Variants in SMAD1 observed in about 807,000 individuals in gnomAD.
The protein encoded by SMAD1 is SMAD family member 1, also known as MAD, mothers against decapentaplegic homolog 1.
Under a neutral mutation model 41.6 loss-of-function variants are expected in SMAD1, and 6 were observed. That is an observed-to-expected ratio of 0.14 (90% CI 0.08 to 0.28). The LOEUF is 0.28. Ranked by LOEUF, SMAD1 falls within the 10% of genes least tolerant of loss-of-function variation. The probability of loss-of-function intolerance (pLI) is 1.00; values close to 1 mark genes in which losing one functional copy is unlikely to be tolerated. For missense variants in SMAD1, 379 were observed against 582.6 expected, an observed-to-expected ratio of 0.65 and a Z score of 3.60; for synonymous variants, 206 against 203.2, an observed-to-expected ratio of 1.01 and a Z score of -0.12.
intron 1 of SMAD1, among the ~76,000 whole-genome samples, chr4:145,491,096 T>C (rs1351739571): frequency 6.6e-6 from 1 of 152,166 alleles, no homozygotes; most frequent in African/African-American, 2.4e-5. Context: ...GGAAACTTTT[T>C]ATAGATTTGA....
intron 5 of SMAD1, among the ~76,000 whole-genome samples, chr4:145,549,993 C>G (rs1178907634): frequency 1.3e-5 from 2 of 151,888 alleles, no homozygotes; most frequent in African/African-American, 4.8e-5. Context: ...CCCAAAGTAG[C>G]AAAGAAAAAT....
At chr4:145,515,156 G>GTC in intron 2 of SMAD1, 143 bp downstream of exon 2, 1 of 705,926 alleles carries the variant, frequency 1.4e-6, no homozygotes, top group Non-Finnish European at 2.3e-6. Context: ...GTGTGTGTGT[G>GTC]TGTGTGTGTG....
At chr4:145,504,375 C>T (rs1484115202) in intron 1 of SMAD1, among the ~76,000 whole-genome samples, 1 of 152,188 alleles carries the variant, frequency 6.6e-6, no homozygotes, top group Non-Finnish European at 1.5e-5. Context: ...ATTGTAATGG[C>T]ATTGGACTTG....
intron 1 of SMAD1, among the ~76,000 whole-genome samples, chr4:145,487,866 C>T (rs1158587565): frequency 6.8e-6 from 1 of 146,150 alleles, no homozygotes; most frequent in Non-Finnish European, 1.5e-5. Flanking sequence ...AGGAAACTAT[C>T]TTTCAGAAAA....
chr4:145,515,164 G>GTT, intron 2 of SMAD1, 151 bp downstream of exon 2: 2 of 724,916 alleles, frequency 2.8e-6, no homozygotes, highest in African/African-American at 3.6e-5. Flanking sequence ...GTGTGTGTGT[G>GTT]TGTGTGTGTG....
At chr4:145,523,940 C>A (rs1730893295) in intron 2 of SMAD1, among the ~76,000 whole-genome samples, 1 of 152,110 alleles carries the variant, frequency 6.6e-6, no homozygotes. Flanking sequence ...GGCCCTGTTG[C>A]TCAGGCTGGA....
At chr4:145,548,906 C>T (rs1732401484) in intron 5 of SMAD1, among the ~76,000 whole-genome samples, 1 of 152,098 alleles carries the variant, frequency 6.6e-6, no homozygotes, top group South Asian at 2.1e-4. Flanking sequence ...ATTATCATCA[C>T]CAATGAGAGA....
At chr4:145,497,547 T>G (rs112787622) in intron 1 of SMAD1, 143 of 152,342 alleles carry the variant, frequency 9.4e-4, no homozygotes, top group African/African-American at 3.3e-3. Flanking sequence ...TTCAGTTAAA[T>G]ACTGGATTAA....
At chr4:145,530,777 A>G (rs1340764256) in intron 2 of SMAD1, among the ~76,000 whole-genome samples, 2 of 152,208 alleles carry the variant, frequency 1.3e-5, no homozygotes, top group African/African-American at 4.8e-5. Context: ...GAATTTAAAA[A>G]ACAACTTCCA....
chr4:145,530,660 C>T (rs1033005918), intron 2 of SMAD1, among the ~76,000 whole-genome samples: 1 of 152,084 alleles, frequency 6.6e-6, no homozygotes, highest in Non-Finnish European at 1.5e-5. Context: ...ACTTGAGTAA[C>T]TATACTCCCA....
At chr4:145,504,669 CAT>C (rs1166253781) in intron 1 of SMAD1, among the ~76,000 whole-genome samples, 3 of 152,190 alleles carry the variant, frequency 2.0e-5, no homozygotes, top group Non-Finnish European at 4.4e-5. Flanking sequence ...GCCATTGTCT[CAT>C]GTGGGTTGTC....
At chr4:145,519,942 C>T (rs1039872799) in intron 2 of SMAD1, among the ~76,000 whole-genome samples, 2 of 152,068 alleles carry the variant, frequency 1.3e-5, no homozygotes, top group African/African-American at 4.8e-5. Flanking sequence ...CAATAATGTC[C>T]GCCAGGTGTC....
chr4:145,489,046 A>G (rs564367801), intron 1 of SMAD1, among the ~76,000 whole-genome samples: 6 of 152,250 alleles, frequency 3.9e-5, no homozygotes, highest in East Asian at 1.9e-4. Flanking sequence ...GCACTGTCCA[A>G]TAGAATTTCT....
At chr4:145,518,428 G>A (rs1730541518) in intron 2 of SMAD1, among the ~76,000 whole-genome samples, 1 of 122,644 alleles carries the variant, frequency 8.2e-6, no homozygotes, top group African/African-American at 2.6e-5. Flanking sequence ...GGCGCAGGTT[G>A]TAGTGAGCCA....
At chr4:145,533,047 C>T (rs1731407480) in intron 2 of SMAD1, among the ~76,000 whole-genome samples, 1 of 152,186 alleles carries the variant, frequency 6.6e-6, no homozygotes, top group Non-Finnish European at 1.5e-5. Context: ...CGAGAGACAT[C>T]TGGGAGAGAA....
At chr4:145,540,373 GA>G (rs1233220736) in intron 3 of SMAD1, among the ~76,000 whole-genome samples, 1 of 152,176 alleles carries the variant, frequency 6.6e-6, no homozygotes, top group African/African-American at 2.4e-5. Context: ...TTGATAAAAA[GA>G]AAAATACCGT....
chr4:145,533,259 A>G (rs1731422548), intron 2 of SMAD1, among the ~76,000 whole-genome samples: 1 of 152,240 alleles, frequency 6.6e-6, no homozygotes, highest in Non-Finnish European at 1.5e-5. Context: ...CATCGCTTAT[A>G]GTTAGTGTGA....
At chr4:145,500,843 CT>C (rs1172694048) in intron 1 of SMAD1, among the ~76,000 whole-genome samples, 1 of 152,114 alleles carries the variant, frequency 6.6e-6, no homozygotes, top group Non-Finnish European at 1.5e-5. Flanking sequence ...TTGTTAATCA[CT>C]TTGTTTTTCA....
At chr4:145,555,384 G>A (rs546197202) in intron 6 of SMAD1, among the ~76,000 whole-genome samples, 7 of 152,154 alleles carry the variant, frequency 4.6e-5, no homozygotes, top group East Asian at 1.9e-4. Context: ...GTCGAGATGC[G>A]GTTTCCAGTT....
Sources: allele counts gnomAD v4.1 joint callset (sites outside exome capture counted in the v4.1 genomes callset), GRCh38; gene constraint gnomAD v4.1.1; transcripts MANE v1.5; gene names NCBI Gene and HGNC (gene_info 2026-07-23, HGNC 2026-07-21).